The following MYH10 variants were observed in gnomAD, a reference collection of about 807,000 sequenced individuals.
MYH10 encodes myosin-10.
A neutral mutation model predicts 257.8 loss-of-function variants in MYH10; 55 were observed. That is an observed-to-expected ratio of 0.21 (90% CI 0.17 to 0.27). MYH10 has a LOEUF of 0.27. Among genes scored for constraint, MYH10 ranks in the 10% least tolerant of loss-of-function variants. MYH10 has a pLI of 1.00. For missense variants in MYH10, 1,631 were observed against 2,500.6 expected (o/e 0.65, Z 7.42); for synonymous variants, 854 against 921.7 (o/e 0.93, Z 1.33).
At chr17:8,513,417 C>A in intron 23 of MYH10, 121 bp downstream of exon 23, 1 of 1,422,546 alleles carries the variant, frequency 7.0e-7, no homozygotes, top group East Asian at 2.4e-5. Context: ...AAAGGCCTCC[C>A]ATAAAATAAG....
intron 35 of MYH10, among the ~76,000 whole-genome samples, chr17:8,489,788 CAAAAT>C (rs2151811482): frequency 6.6e-6 from 1 of 151,664 alleles, no homozygotes; most frequent in Admixed American, 6.6e-5. Context: ...AAGGGACTGG[CAAAAT>C]ACCCACAATT....
chr17:8,548,615 T>A, intron 10 of MYH10, 29 bp downstream of exon 10: 1 of 1,611,550 alleles, frequency 6.2e-7, no homozygotes, highest in Middle Eastern at 1.7e-4. Flanking sequence ...GGAAAGTGAG[T>A]ACCAGAATCT....
intron 4 of MYH10, 120 bp downstream of exon 4, chr17:8,588,961 G>A (rs543815733): frequency 2.1e-5 from 19 of 906,974 alleles, no homozygotes; most frequent in Admixed American, 7.1e-5. Context: ...AAATAACTGC[G>A]AGGTTTACAT....
rs184217113 is a variant in MYH10, at chr17:8,558,421, C to T, written c.757-4403G>A. Among the ~76,000 whole-genome samples, 889 of 152,212 alleles carry T rather than the reference C, an allele frequency of 5.8e-3. 10 individuals are homozygous for T. Among genetic ancestry groups the T allele is most frequent in the African/African-American group, 0.02 (819 of 41,522 alleles). Reference sequence around the variant, plus strand: ...CCGAGCCTACCAATCTTAGTGTTTACCACATACATTAGCTGCTTCAAGCTA... The same window carrying T: ...CCGAGCCTACCAATCTTAGTGTTTATCACATACATTAGCTGCTTCAAGCTA... On this transcript the variant is annotated intron_variant, in intron 7 of 42. Coordinates refer to ENST00000360416, the MANE Select transcript of MYH10 (RefSeq NM_001256012.3).
chr17:8,491,327 G>T (rs1453947962), intron 34 of MYH10, among the ~76,000 whole-genome samples: 1 of 152,206 alleles, frequency 6.6e-6, no homozygotes, highest in Non-Finnish European at 1.5e-5. Context: ...TACAGAAAAC[G>T]AACATGAAAT....
Position 8,476,799 on chromosome 17 carries a change from T to C in MYH10, c.5879+77A>G, listed in dbSNP as rs1912716741. 2.0e-6 allele frequency: 3 copies of C among 1,481,202 alleles called. No individual in the cohort carries two copies. In the South Asian group the frequency reaches 3.8e-5, roughly 19 times the overall value. 91.8% of individuals were successfully genotyped at this position (1,481,202 alleles called of 1,614,324 possible). A position where few individuals can be genotyped will look rare whatever the true frequency, so the allele number is the denominator to read the frequency against. On this transcript the variant is annotated intron_variant, in intron 42 of 42. Coordinates refer to ENST00000360416, the MANE Select transcript of MYH10 (RefSeq NM_001256012.3). ...TGGGTATGGATCTAAGTAAACTTCC[T>C]CTGACCAGCTGCACCCCGAGCCTAA...
intron 41 of MYH10, 72 bp downstream of exon 41, chr17:8,478,266 G>A: frequency 7.6e-7 from 1 of 1,316,080 alleles, no homozygotes; most frequent in Non-Finnish European, 1.1e-6. Context: ...CCACTGGTCA[G>A]TTGTGCCACC....
At chr17:8,548,587 C>T in intron 10 of MYH10, 57 bp downstream of exon 10, 2 of 1,576,698 alleles carry the variant, frequency 1.3e-6, no homozygotes, top group Non-Finnish European at 1.7e-6. Flanking sequence ...GTGATTTACC[C>T]CAGATGTATA....
At position 8,490,628 on chromosome 17, in the gene MYH10, C is replaced by G; in HGVS notation, c.4672-76G>C. The G allele has an allele frequency of 6.8e-7, 1 of 1,472,402 alleles. No homozygotes were observed. Among genetic ancestry groups the G allele is most frequent in the Non-Finnish European group, 9.5e-7 (1 of 1,057,174 alleles). The allele number at this position is 1,472,402 out of a possible 1,614,324, so 91.2% of individuals were successfully genotyped here. A position where few individuals can be genotyped will look rare whatever the true frequency, so the allele number is the denominator to read the frequency against. ...GAAGAACAGCAGTCTTACTGTTTTA[C>G]AGGCCCACTCGTGGCATGCTGGCCA... On this transcript the variant is annotated intron_variant, in intron 34 of 42. Coordinates refer to ENST00000360416, the MANE Select transcript of MYH10 (RefSeq NM_001256012.3). The surrounding 1 kb of genome is among the most constrained non-coding windows in gnomAD (Gnocchi z 4.1).
rs2083534165 is a variant in MYH10, at chr17:8,577,343, A to G, written c.531-5T>C. 6.2e-7 allele frequency: 1 copy of G among 1,603,326 alleles called. No individual in the cohort carries two copies. The highest frequency in any genetic ancestry group is 8.5e-7 in the Non-Finnish European group (1 of 1,172,580). ...TTCCCAGCACCTGACTCACCCCTGA[A>G]AGAAAGAGTTAATATAGGCTGCTTT... On this transcript the variant is annotated splice_polypyrimidine_tract_variant and splice_region_variant and intron_variant, in intron 4 of 42. Coordinates refer to ENST00000360416, the MANE Select transcript of MYH10 (RefSeq NM_001256012.3).
At chr17:8,582,060 T>G (rs761168682) in intron 4 of MYH10, among the ~76,000 whole-genome samples, 1 of 152,128 alleles carries the variant, frequency 6.6e-6, no homozygotes, top group African/African-American at 2.4e-5. Context: ...GTGATACCAA[T>G]AGTTATGATA....
chr17:8,558,778 G>A (rs1275484454), intron 7 of MYH10, among the ~76,000 whole-genome samples: 1 of 152,126 alleles, frequency 6.6e-6, no homozygotes, highest in Non-Finnish European at 1.5e-5. Context: ...TTTTTGCTCT[G>A]TAATTATAAA....
chr17:8,528,027 C>A (rs961976926), intron 17 of MYH10, among the ~76,000 whole-genome samples: 4 of 152,096 alleles, frequency 2.6e-5, no homozygotes, highest in Non-Finnish European at 2.9e-5. Context: ...AAATGGGTAC[C>A]ATCTTATCAG....
chr17:8,560,549 C>T, intron 7 of MYH10: 1 of 715,336 alleles, frequency 1.4e-6, no homozygotes, highest in Non-Finnish European at 2.4e-6. Context: ...GAGCTGTTTG[C>T]CGACAAAGTT....
chr17:8,503,856 A>G (rs12939638), intron 28 of MYH10, among the ~76,000 whole-genome samples: 77,112 of 152,110 alleles, frequency 0.51, 20,448 homozygotes, highest in Middle Eastern at 0.62. Flanking sequence ...CAGCCAAGGC[A>G]CGAGGGTTCC....
rs1336249661 is a variant in MYH10 at position 8,504,942 on chromosome 17, A to C, written c.3387-36T>G. The C allele has an allele frequency of 1.1e-5, 17 of 1,583,438 alleles. No individual in the cohort carries two copies. Among genetic ancestry groups the C allele is most frequent in the Non-Finnish European group, 1.5e-5 (17 of 1,153,034 alleles). ...ACCCAGGCGCAAGAGGCACTCAGAGATGGCACCCGGATGGCCTGTTTCTCA... is the reference window on the plus strand; with the variant it reads ...ACCCAGGCGCAAGAGGCACTCAGAGCTGGCACCCGGATGGCCTGTTTCTCA... On this transcript the variant is annotated intron_variant, in intron 27 of 42. Coordinates refer to ENST00000360416, the MANE Select transcript of MYH10 (RefSeq NM_001256012.3). The surrounding 1 kb of genome is among the most constrained non-coding windows in gnomAD (Gnocchi z 5.6).
intron 37 of MYH10, 155 bp from the exon 38 acceptor site, chr17:8,481,565 A>C (rs1913818252): frequency 6.3e-6 from 4 of 639,340 alleles, no homozygotes; most frequent in Non-Finnish European, 1.1e-5. Context: ...TGTCAAGAAA[A>C]TCTGCTCGGT....
chr17:8,581,178 A>G (rs1170829637), intron 4 of MYH10, among the ~76,000 whole-genome samples: 2 of 151,984 alleles, frequency 1.3e-5, no homozygotes, highest in South Asian at 2.1e-4. Flanking sequence ...GGTGCCATGG[A>G]CCCTGGAGGT....
intron 29 of MYH10, among the ~76,000 whole-genome samples, chr17:8,500,525 C>T (rs115259006): frequency 0.012 from 1,851 of 152,274 alleles, 30 homozygotes; most frequent in African/African-American, 0.042. Context: ...TCAAACCATT[C>T]GGGGTTTTGA....
Sources: allele counts gnomAD v4.1 joint callset (sites outside exome capture counted in the v4.1 genomes callset), GRCh38; gene constraint gnomAD v4.1.1; non-coding constraint Gnocchi (gnomAD v3.1); transcripts MANE v1.5; gene names NCBI Gene and HGNC (gene_info 2026-07-23, HGNC 2026-07-21).